CARD10: variants seen among roughly 807,000 people sequenced by gnomAD.
CARD10 encodes caspase recruitment domain family member 10, also known as caspase recruitment domain-containing protein 10.
CARD10 carries 49 observed loss-of-function variants against 114.6 expected under a neutral mutation model. That is an observed-to-expected ratio of 0.43 (90% CI 0.34 to 0.54). The LOEUF (loss-of-function observed/expected upper bound fraction) is 0.54, where lower values mean the gene tolerates loss of function less well. CARD10 is among the 20% of genes least tolerant of loss of function. The pLI is 0.03. For synonymous variants in CARD10, 602 were observed against 593.2 expected (o/e 1.01, Z -0.21); for missense variants, 1,206 against 1,397.2 (o/e 0.86, Z 2.18).
At position 37,507,885 on chromosome 22, in the gene CARD10, G is replaced by T. The variant is rs764010858; in HGVS notation, c.1135C>A (p.His379Asn). 1 of 1,614,224 alleles carries T rather than the reference G, an allele frequency of 6.2e-7. No homozygotes were observed. Among genetic ancestry groups the T allele is most frequent in the East Asian group, 2.2e-5 (1 of 44,882 alleles). ...TGGGCCAGGACAGTGGCCATGCGGTGCTTGTACAGGTCACAGTCCTTCTGC... is the reference window on the plus strand; with the variant it reads ...TGGGCCAGGACAGTGGCCATGCGGTTCTTGTACAGGTCACAGTCCTTCTGC... ...TLQKDCDLYKHRMATVLAQLE... is the reference protein window; with the variant it reads ...TLQKDCDLYKNRMATVLAQLE... Residue 379 changes from histidine to asparagine, a missense_variant, in exon 6 of 20, where the codon CAC (histidine) becomes AAC (asparagine). Physicochemically the swap from His to Asn is moderately conservative, Grantham distance 68. Transcript: ENST00000251973.
At chr22:37,513,942 T>C (rs564982342) in intron 3 of CARD10, among the ~76,000 whole-genome samples, 1 of 144,180 alleles carries the variant, frequency 6.9e-6, no homozygotes, top group East Asian at 2.2e-4. Flanking sequence ...CTACTAAAAA[T>C]ACAAAAAAAA....
chr22:37,491,426 G>C (rs1922770626), intron 19 of CARD10, 33 bp from the exon 20 acceptor site: 2 of 1,413,690 alleles, frequency 1.4e-6, no homozygotes, highest in African/African-American at 1.5e-5. Flanking sequence ...CGGTCAAAGT[G>C]GGGGACCAAG....
At chr22:37,507,122 T>A (rs1244742404) in intron 6 of CARD10, among the ~76,000 whole-genome samples, 1 of 152,016 alleles carries the variant, frequency 6.6e-6, no homozygotes, top group African/African-American at 2.4e-5. Flanking sequence ...CTACTAAAGA[T>A]ACAAAAATTA....
chr22:37,512,375 A>G (rs1458653812), intron 3 of CARD10: 1 of 151,538 alleles, frequency 6.6e-6, no homozygotes, highest in Non-Finnish European at 1.5e-5. Flanking sequence ...CAGGCATGCA[A>G]TATTTGGTGC....
At chr22:37,498,089 A>G (rs1034673412) in intron 11 of CARD10, among the ~76,000 whole-genome samples, 1 of 152,208 alleles carries the variant, frequency 6.6e-6, no homozygotes, top group East Asian at 1.9e-4. Context: ...AGGACAGAAC[A>G]CAGGATGCGT....
In CARD10 at chr22:37,507,837, G is replaced by A. The variant is rs988032819; in HGVS notation, c.1183C>T (p.Arg395Ter). ...LAQLEEIEKE[R>*]DQAIQSRDRI... ...ACGCAGGCTGGGCTCACCTGGTCTC[G>A]CTCCTTCTCAATCTCCTCCAGTTGG... Residue 395 changes from arginine to a stop codon, truncating the protein, a stop_gained, in exon 6 of 20, where the codon CGA becomes TGA. Coordinates refer to ENST00000251973, the MANE Select transcript of CARD10 (RefSeq NM_014550.4). LOFTEE classifies it high-confidence loss of function. 7 of 1,614,116 alleles carry A rather than the reference G, an allele frequency of 4.3e-6. No individual in the cohort carries two copies. Among genetic ancestry groups the A allele is most frequent in the South Asian group, 1.1e-5 (1 of 91,080 alleles).
intron 8 of CARD10, 118 bp from the exon 9 acceptor site, chr22:37,504,419 G>A: frequency 9.5e-7 from 1 of 1,048,164 alleles, no homozygotes; most frequent in Non-Finnish European, 1.4e-6. Context: ...CAGAAGAGCG[G>A]GCTCTGCAAG....
At chr22:37,505,612 T>G (rs1400070826) in intron 7 of CARD10, among the ~76,000 whole-genome samples, 1 of 146,952 alleles carries the variant, frequency 6.8e-6, no homozygotes, top group East Asian at 2.0e-4. Context: ...GGATCCAGCC[T>G]GGGTGATACA....
In CARD10 at chr22:37,492,292, G is replaced by C; in HGVS notation, c.2751+143C>G. The C allele has an allele frequency of 1.6e-6, 1 of 638,698 alleles. No homozygotes were observed. The highest frequency in any genetic ancestry group is 2.8e-5 in the East Asian group (1 of 35,890). The allele number at this position is 638,698 out of a possible 1,614,324, so 39.6% of individuals were successfully genotyped here. A position where few individuals can be genotyped will look rare whatever the true frequency, so the allele number is the denominator to read the frequency against. On this transcript the variant is annotated intron_variant, in intron 18 of 19. Transcript: ENST00000251973. This position sits in a 1 kb window ranked among gnomAD's most constrained non-coding sequence, Gnocchi z 5.7. ...CAGGTGAGGAAACTGAAGGCCACAG[G>C]AGGGAAAGGACTTGGCCAGGGCCGC... is the stretch of plus-strand genomic sequence containing the variant.
intron 11 of CARD10, among the ~76,000 whole-genome samples, chr22:37,498,914 G>T (rs1055718608): frequency 6.0e-5 from 8 of 132,380 alleles, no homozygotes; most frequent in East Asian, 5.4e-4. Context: ...GTGGGGGGGG[G>T]GGGCACATGA....
At chr22:37,508,809 G>C (rs1476778295) in intron 4 of CARD10, 127 bp from the exon 5 acceptor site, 2 of 1,244,422 alleles carry the variant, frequency 1.6e-6, no homozygotes, top group Non-Finnish European at 1.1e-6. Context: ...GCTGGCCCGG[G>C]GCCTCGACCC....
rs2048926059 is a variant in CARD10 at position 37,490,766 on chromosome 22, A to G, written c.*393T>C. ...AGGAGCAGAACAGGCCCAGGTCCTC[A>G]GGAGACCTCGTGCCCAGGGCAGCGG... On this transcript the variant is annotated 3_prime_UTR_variant, in exon 20 of 20. Coordinates refer to ENST00000251973, the MANE Select transcript of CARD10 (RefSeq NM_014550.4). The G allele has an allele frequency of 5.1e-6, 1 of 195,752 alleles. No homozygotes were observed. Among genetic ancestry groups the G allele is most frequent in the African/African-American group, 2.3e-5 (1 of 42,814 alleles). 12.1% of individuals were successfully genotyped at this position (195,752 alleles called of 1,614,324 possible).
At chr22:37,516,403 AT>A (rs1325657522) in intron 2 of CARD10, 105 bp from the exon 3 acceptor site, 2 of 772,452 alleles carry the variant, frequency 2.6e-6, no homozygotes, top group East Asian at 5.6e-5. Context: ...CTAGAGGGAA[AT>A]TCTGGAATAT....
At chr22:37,505,661 G>T (rs1290268187) in intron 7 of CARD10, among the ~76,000 whole-genome samples, 1 of 150,356 alleles carries the variant, frequency 6.7e-6, no homozygotes, top group Non-Finnish European at 1.5e-5. Flanking sequence ...AAAGGAAAAA[G>T]CAGAGCTCCC....
At chr22:37,508,023 C>T in intron 5 of CARD10, 69 bp from the exon 6 acceptor site, 1 of 1,582,592 alleles carries the variant, frequency 6.3e-7, no homozygotes. Context: ...CAGCAGGTGC[C>T]CAGGAGGGCC....
Position 37,492,767 on chromosome 22 carries a change from G to A in CARD10, c.2512C>T (p.Arg838Trp), listed in dbSNP as rs1040372062. The A allele has an allele frequency of 2.5e-5, 40 of 1,612,518 alleles. No homozygotes were observed. The highest frequency in any genetic ancestry group is 3.1e-5 in the Non-Finnish European group (37 of 1,179,884). ...ERSLRPYSLVRPLLVSALRPV... is the reference protein window; with the variant it reads ...ERSLRPYSLVWPLLVSALRPV... ...CGCAGGGCAGACACCAGTAGCGGCCGCACCAAACTGTAGGGTCTGAGGCTC... is the reference window on the plus strand; with the variant it reads ...CGCAGGGCAGACACCAGTAGCGGCCACACCAAACTGTAGGGTCTGAGGCTC... Residue 838 changes from arginine to tryptophan, a missense_variant, in exon 17 of 20, where the codon CGG becomes TGG. Coordinates refer to ENST00000251973, the MANE Select transcript of CARD10 (RefSeq NM_014550.4). The surrounding 1 kb of genome is among the most constrained non-coding windows in gnomAD (Gnocchi z 5.7).
Position 37,518,077 on chromosome 22 carries a change from G to A in CARD10, c.267C>T (p.Gly89=). The A allele has an allele frequency of 6.2e-7, 1 of 1,613,948 alleles. No individual in the cohort carries two copies. Among genetic ancestry groups the A allele is most frequent in the Non-Finnish European group, 8.5e-7 (1 of 1,179,934 alleles). Reference sequence around the variant, plus strand: ...CCAGGAAGGCCTCATAGCCCCTCTTGCCACGGCAGCGCAAGATGTCCATCA... The same window carrying A: ...CCAGGAAGGCCTCATAGCCCCTCTTACCACGGCAGCGCAAGATGTCCATCA... ...GRLMDILRCR[G]KRGYEAFLEA... The change falls in exon 2 of 20, where the codon GGC becomes GGT. Residue 89 remains glycine (G), a synonymous_variant. Coordinates refer to ENST00000251973, the MANE Select transcript of CARD10 (RefSeq NM_014550.4).
chr22:37,497,281 T>C lies in CARD10; in HGVS notation c.1788-103A>G, dbSNP rs55990043. Reference sequence around the variant, plus strand: ...GTGATTTCATTTCCCAAGTATGCCATGACTCCCACCCCCAGGCCTCTCCAT... The same window carrying C: ...GTGATTTCATTTCCCAAGTATGCCACGACTCCCACCCCCAGGCCTCTCCAT... On this transcript the variant is annotated intron_variant, in intron 11 of 19. Coordinates refer to ENST00000251973, the MANE Select transcript of CARD10 (RefSeq NM_014550.4). 4.0e-3 allele frequency: 4,953 copies of C among 1,224,538 alleles called. 162 individuals carry two copies. In the African/African-American group the frequency reaches 0.067, roughly 16 times the overall value. 75.9% of individuals were successfully genotyped at this position (1,224,538 alleles called of 1,614,324 possible).
Position 37,503,192 on chromosome 22 carries a change from G to A in CARD10, c.1656C>T (p.Asp552=). Residue 552 remains aspartate, a synonymous_variant, in exon 10 of 20, where the codon GAC becomes GAT. Transcript: ENST00000251973. The stretch of plus-strand genomic sequence containing the variant: ...GAACTCAAGGGCTGTTACCTGTGAT[G>A]TCTGACATGCTGCTGAAGGATCTGG... ...PPKRSFSSMS[D]ITGSVTLKPW... 1.2e-6 allele frequency: 2 copies of A among 1,611,514 alleles called. No individual in the cohort carries two copies. Among genetic ancestry groups the A allele is most frequent in the Admixed American group, 1.7e-5 (1 of 59,798 alleles).
Sources: allele counts gnomAD v4.1 joint callset (sites outside exome capture counted in the v4.1 genomes callset), GRCh38; gene constraint gnomAD v4.1.1; non-coding constraint Gnocchi (gnomAD v3.1); transcripts MANE v1.5; gene names NCBI Gene and HGNC (gene_info 2026-07-23, HGNC 2026-07-21).